CENPF: variants seen among roughly 807,000 people sequenced by gnomAD.
The protein encoded by CENPF is centromere protein F.
A neutral mutation model predicts 307.3 loss-of-function variants in CENPF; 214 were observed. That is an observed-to-expected ratio of 0.70 (90% CI 0.62 to 0.78). CENPF has a LOEUF of 0.78. Among genes scored for constraint, CENPF ranks in the 30% least tolerant of loss-of-function variants. CENPF has a pLI of 0.00. For missense variants in CENPF, 3,401 were observed against 3,483.9 expected (o/e 0.98, Z 0.60); for synonymous variants, 1,259 against 1,270.6 (o/e 0.99, Z 0.19).
At chr1:214,636,634 G>C (rs902594874) in intron 10 of CENPF, among the ~76,000 whole-genome samples, 2 of 152,124 alleles carry the variant, frequency 1.3e-5, no homozygotes, top group African/African-American at 4.8e-5. Flanking sequence ...CCATCTGCTG[G>C]TAGTAACCAG....
At chr1:214,606,386 C>A (rs1322984089) in intron 1 of CENPF, among the ~76,000 whole-genome samples, 1 of 152,146 alleles carries the variant, frequency 6.6e-6, no homozygotes, top group Admixed American at 6.5e-5. Flanking sequence ...GAGGCCCTGG[C>A]GCCTCTCCTC....
At position 214,620,914 on chromosome 1, in the gene CENPF, A is replaced by G; in HGVS notation, c.833A>G (p.His278Arg). Reference sequence around the variant, plus strand: ...TTCTTTGACAATTCTAGCAGTCCTCATCTTTTGGATCAATTAAAAGCGCAG... The same window carrying G: ...TTCTTTGACAATTCTAGCAGTCCTCGTCTTTTGGATCAATTAAAAGCGCAG... ...SSFFDNSSSP[H>R]LLDQLKAQNQ... Residue 278 changes from histidine to arginine, a missense_variant, in exon 6 of 20, where the codon CAT becomes CGT. Transcript: ENST00000366955. The G allele has an allele frequency of 6.2e-7, 1 of 1,611,410 alleles. No individual in the cohort carries two copies. Among genetic ancestry groups the G allele is most frequent in the Non-Finnish European group, 8.5e-7 (1 of 1,178,886 alleles).
At position 214,642,563 on chromosome 1, in the gene CENPF, G is replaced by C. The variant is rs1407419147; in HGVS notation, c.4225G>C (p.Glu1409Gln). ...EVQMHFAELQ[E>Q]KFLSLQSEHK... ...TCAAATGCACTTTGCCGAATTGCAA[G>C]AGAAATTCTTATCTTTACAAAGTGA... Residue 1409 changes from glutamate (E) to glutamine (Q), a missense_variant, in exon 12 of 20, where the codon GAG becomes CAG. Physicochemically the swap from Glu to Gln is conservative, Grantham distance 29 (BLOSUM62 2). Transcript: ENST00000366955. 5 of 1,610,710 alleles carry C rather than the reference G, an allele frequency of 3.1e-6. No homozygotes were observed. The highest frequency in any genetic ancestry group is 2.7e-5 in the African/African-American group (2 of 74,778).
chr1:214,624,003 A>C (rs1221012668), intron 7 of CENPF, among the ~76,000 whole-genome samples: 1 of 151,730 alleles, frequency 6.6e-6, no homozygotes, highest in Admixed American at 6.6e-5. Flanking sequence ...GTTTACTTAA[A>C]ACTTTTATTT....
chr1:214,606,783 C>T (rs1363756711), intron 1 of CENPF, among the ~76,000 whole-genome samples: 1 of 152,154 alleles, frequency 6.6e-6, no homozygotes, highest in Non-Finnish European at 1.5e-5. Flanking sequence ...TGGTGTGCAG[C>T]CCGTGACCCA....
chr1:214,617,000 CTCTTTCTT>C (rs549033456), intron 3 of CENPF, among the ~76,000 whole-genome samples: 2 of 128,606 alleles, frequency 1.6e-5, no homozygotes, highest in Admixed American at 8.0e-5. Flanking sequence ...CTCTCTTTCT[CTCTTTCTT>C]TCTTTCTTTC....
Position 214,640,756 on chromosome 1 carries a change from C to A in CENPF, c.2418C>A (p.Ser806Arg). 6.2e-7 allele frequency: 1 copy of A among 1,614,058 alleles called. No individual in the cohort carries two copies. The highest frequency in any genetic ancestry group is 2.2e-5 in the East Asian group (1 of 44,872). Residue 806 changes from serine to arginine, a missense_variant, in exon 12 of 20, where the codon AGC becomes AGA. By Grantham distance (110) the Ser-to-Arg change is moderately radical. Transcript: ENST00000366955. ...CAAATATAATTGGAGAACAAGGAAG[C>A]ATGCCTTCAGAGAGGAGTGAATGTC... ...SFANIIGEQG[S>R]MPSERSECRL... is the part of the protein sequence containing the mutation.
Position 214,644,585 on chromosome 1 carries a change from A to G in CENPF, c.5015A>G (p.Asp1672Gly). 2.5e-6 allele frequency: 4 copies of G among 1,608,662 alleles called. No individual in the cohort carries two copies. The highest frequency in any genetic ancestry group is 3.4e-6 in the Non-Finnish European group (4 of 1,176,904). Residue 1672 changes from aspartate to glycine, a missense_variant, in exon 13 of 20, where the codon GAC becomes GGC. Physicochemically the swap from Asp to Gly is moderately conservative, Grantham distance 94. Coordinates refer to ENST00000366955, the MANE Select transcript of CENPF (RefSeq NM_016343.4). ...ATTCAAGGCCGAAATGAGAGCTGTG[A>G]CATATCAAAAGAACATACTTCAGAA... Reference protein sequence around the residue: ...DAIQGRNESCDISKEHTSETT... With the variant: ...DAIQGRNESCGISKEHTSETT...
In CENPF at chr1:214,630,669, G is replaced by A. The variant is rs759614219; in HGVS notation, c.1323+7G>A. The A allele has an allele frequency of 1.2e-6, 2 of 1,613,704 alleles. No homozygotes were observed. The highest frequency in any genetic ancestry group is 3.3e-5 in the Admixed American group (2 of 59,980). On this transcript the variant is annotated splice_region_variant and intron_variant, in intron 9 of 19. Coordinates refer to ENST00000366955, the MANE Select transcript of CENPF (RefSeq NM_016343.4). ...GCAGGCTGAACTGGATAAAGTAGGGGCCGTGTCTCTCTCTCTCTCCTTAAT... is the reference window on the plus strand; with the variant it reads ...GCAGGCTGAACTGGATAAAGTAGGGACCGTGTCTCTCTCTCTCTCCTTAAT...
intron 16 of CENPF, 31 bp downstream of exon 16, chr1:214,653,020 C>T (rs777819425): frequency 7.0e-6 from 11 of 1,570,036 alleles, no homozygotes; most frequent in Non-Finnish European, 9.6e-6. Context: ...TTCATGATTT[C>T]GAATGGTTTA....
intron 1 of CENPF, chr1:214,605,648 C>T: frequency 1.1e-5 from 17 of 1,545,840 alleles, no homozygotes; most frequent in Non-Finnish European, 1.5e-5. Flanking sequence ...TGCCTTATTG[C>T]TGAGGTCTGG....
chr1:214,618,456 A>G lies in CENPF; in HGVS notation c.360-117A>G, dbSNP rs1042128436. 3 of 1,242,260 alleles carry G rather than the reference A, an allele frequency of 2.4e-6. No homozygotes were observed. The African/African-American group carries it at 4.6e-5, about 19-fold the overall frequency. 77.0% of individuals were successfully genotyped at this position (1,242,260 alleles called of 1,614,324 possible). On this transcript the variant is annotated intron_variant, in intron 3 of 19. Transcript: ENST00000366955. ...CTGTTGGATAAATGAAATGGTTAAGAATTCTTAGTGGATGGGTTTCTTTGT... is the reference window on the plus strand; with the variant it reads ...CTGTTGGATAAATGAAATGGTTAAGGATTCTTAGTGGATGGGTTTCTTTGT...
In CENPF at chr1:214,646,959, C is replaced by CT. The variant is rs1255059930; in HGVS notation, c.7390dup (p.Cys2464LeufsTer2). On this transcript the variant is annotated frameshift_variant, in exon 13 of 20. Coordinates refer to ENST00000366955, the MANE Select transcript of CENPF (RefSeq NM_016343.4). LOFTEE classifies it high-confidence loss of function. The stretch of plus-strand genomic sequence containing the variant: ...CAGCCCTGCATAATGACCAAGAAGC[C>CT]TGTAAGGCCAAAGAGCAGAATCTTA... 4 of 1,613,964 alleles carry CT rather than the reference C, an allele frequency of 2.5e-6. No homozygotes were observed. The highest frequency in any genetic ancestry group is 3.4e-6 in the Non-Finnish European group (4 of 1,179,996).
Position 214,640,529 on chromosome 1 carries a change from C to T in CENPF, c.2191C>T (p.Gln731Ter). The change falls in exon 12 of 20, where the codon CAA becomes TAA. Residue 731 changes from glutamine to a stop codon, truncating the protein, a stop_gained. Coordinates refer to ENST00000366955, the MANE Select transcript of CENPF (RefSeq NM_016343.4). LOFTEE classifies it high-confidence loss of function. ...MCLKTSQLTG[Q>*]VEDLEHKLQL... ...TTTGAAGACTTCTCAGCTTACTGGG[C>T]AAGTTGAAGATCTAGAACACAAGCT... 6.2e-7 allele frequency: 1 copy of T among 1,614,072 alleles called. No individual in the cohort carries two copies. The highest frequency in any genetic ancestry group is 8.5e-7 in the Non-Finnish European group (1 of 1,179,996).
At position 214,641,517 on chromosome 1, in the gene CENPF, G is replaced by T; in HGVS notation, c.3179G>T (p.Cys1060Phe). ...AAATTAGAATGCTTGCTAAATGAAT[G>T]CACTAGTCTTTGTGAAAATAGGAAA... ...NSKLECLLNE[C>F]TSLCENRKNE... Residue 1060 changes from cysteine to phenylalanine, a missense_variant, in exon 12 of 20, where the codon TGC (cysteine) becomes TTC (phenylalanine). Transcript: ENST00000366955. The T allele has an allele frequency of 6.6e-7, 1 of 1,520,806 alleles. No homozygotes were observed. The allele number at this position is 1,520,806 out of a possible 1,614,324, so 94.2% of individuals were successfully genotyped here.
chr1:214,614,997 C>A lies in CENPF; in HGVS notation c.328C>A (p.Gln110Lys). 4.4e-6 allele frequency: 7 copies of A among 1,601,870 alleles called. No individual in the cohort carries two copies. Among genetic ancestry groups the A allele is most frequent in the Non-Finnish European group, 6.0e-6 (7 of 1,176,104 alleles). Residue 110 changes from glutamine to lysine, a missense_variant, in exon 3 of 20, where the codon CAA becomes AAA. By Grantham distance (53) the Gln-to-Lys change is moderately conservative. Transcript: ENST00000366955. Reference protein sequence around the residue: ...QEGQLNSGKKQIEKLEQELKR... With the variant: ...QEGQLNSGKKKIEKLEQELKR... Reference sequence around the variant, plus strand: ...AGGACAACTGAATTCAGGCAAAAAACAAATAGAAAAACTGGAACAGGAACT... The same window carrying A: ...AGGACAACTGAATTCAGGCAAAAAAAAAATAGAAAAACTGGAACAGGAACT...
At chr1:214,631,784 G>GC (rs1411743931) in intron 9 of CENPF, among the ~76,000 whole-genome samples, 1 of 152,182 alleles carries the variant, frequency 6.6e-6, no homozygotes, top group Non-Finnish European at 1.5e-5. Flanking sequence ...ACAGGCATGA[G>GC]CCGCCCTGCC....
intron 17 of CENPF, among the ~76,000 whole-genome samples, chr1:214,656,088 C>A (rs1056890985): frequency 2.0e-5 from 3 of 152,150 alleles, no homozygotes; most frequent in Admixed American, 6.5e-5. Flanking sequence ...TGGTTATCCT[C>A]AGTCCATTCG....
intron 16 of CENPF, among the ~76,000 whole-genome samples, chr1:214,653,263 C>T (rs191492417): frequency 6.6e-6 from 1 of 152,258 alleles, no homozygotes; most frequent in African/African-American, 2.4e-5. Context: ...AAGATCCAGC[C>T]ACACAGCAGA....
Sources: allele counts gnomAD v4.1 joint callset (sites outside exome capture counted in the v4.1 genomes callset), GRCh38; gene constraint gnomAD v4.1.1; transcripts MANE v1.5; gene names NCBI Gene and HGNC (gene_info 2026-07-23, HGNC 2026-07-21).